EYS: variants seen among roughly 807,000 people sequenced by gnomAD.
The protein encoded by EYS is protein eyes shut homolog.
Under a neutral mutation model 282.1 loss-of-function variants are expected in EYS, and 250 were observed. That is an observed-to-expected ratio of 0.89 (90% CI 0.80 to 0.98). EYS has a LOEUF of 0.98. EYS is among the 50% of genes least tolerant of loss of function. The pLI is 0.00. For missense variants in EYS, 4,016 were observed against 3,709.0 expected (o/e 1.08, Z -2.15); for synonymous variants, 1,355 against 1,282.9 (o/e 1.06, Z -1.20).
intron 12 of EYS, among the ~76,000 whole-genome samples, chr6:65,088,818 G>T (rs956842179): frequency 1.2e-4 from 18 of 152,120 alleles, no homozygotes; most frequent in Non-Finnish European, 2.1e-4. Flanking sequence ...GGTTTCATGG[G>T]CCAGGCCCAG....
intron 28 of EYS, chr6:64,400,230 T>C (rs1378257217): frequency 1.3e-5 from 2 of 152,040 alleles, no homozygotes; most frequent in Non-Finnish European, 2.9e-5. Flanking sequence ...ATCTATATAA[T>C]AGTTGTGCAG....
chr6:63,891,349 C>G (rs544688163), intron 35 of EYS, among the ~76,000 whole-genome samples: 2 of 152,252 alleles, frequency 1.3e-5, no homozygotes, highest in South Asian at 4.2e-4. Flanking sequence ...AAAATACTAG[C>G]AAACTAAATC....
At chr6:65,642,637 T>C (rs1435407076) in intron 1 of EYS, among the ~76,000 whole-genome samples, 1 of 152,184 alleles carries the variant, frequency 6.6e-6, no homozygotes, top group Non-Finnish European at 1.5e-5. Flanking sequence ...ATTTTTTAAC[T>C]ATAGATAGGT....
chr6:64,371,464 G>A (rs1772369825), intron 29 of EYS, among the ~76,000 whole-genome samples: 1 of 152,064 alleles, frequency 6.6e-6, no homozygotes, highest in African/African-American at 2.4e-5. Flanking sequence ...TGTGGCATGT[G>A]TGGATCAGAA....
intron 26 of EYS, among the ~76,000 whole-genome samples, chr6:64,501,072 ATCTTAAAT>A (rs1562028154): frequency 7.0e-6 from 1 of 142,254 alleles, no homozygotes; most frequent in Non-Finnish European, 1.5e-5. Context: ...CCTCTTCCCC[ATCTTAAAT>A]TCTAGGGTTT....
At chr6:64,992,856 A>G (rs1771113804) in intron 14 of EYS, among the ~76,000 whole-genome samples, 1 of 151,998 alleles carries the variant, frequency 6.6e-6, no homozygotes, top group Non-Finnish European at 1.5e-5. Context: ...GGGAGTTTGT[A>G]TTCCTGGAGA....
Position 63,726,512 on chromosome 6 carries a change from A to T in EYS, c.8233+7T>A. 1.3e-6 allele frequency: 2 copies of T among 1,547,746 alleles called. No homozygotes were observed. Among genetic ancestry groups the T allele is most frequent in the Non-Finnish European group, 8.7e-7 (1 of 1,145,196 alleles). On this transcript the variant is annotated splice_region_variant and intron_variant, in intron 42 of 42. Transcript: ENST00000503581. Reference sequence around the variant, plus strand: ...CATTCTGCAAACAAACAGCCTGCCAATCTTACCTGATTGGGCTTTTAAGTG... The same window carrying T: ...CATTCTGCAAACAAACAGCCTGCCATTCTTACCTGATTGGGCTTTTAAGTG...
chr6:63,923,053 T>C (rs535748060), intron 35 of EYS, among the ~76,000 whole-genome samples: 1 of 152,320 alleles, frequency 6.6e-6, no homozygotes, highest in Admixed American at 6.5e-5. Flanking sequence ...AATGTGTACA[T>C]CAATGCATTG....
intron 19 of EYS, among the ~76,000 whole-genome samples, chr6:64,856,174 A>C (rs1018646706): frequency 1.3e-5 from 2 of 152,184 alleles, no homozygotes; most frequent in Non-Finnish European, 2.9e-5. Context: ...AGAGCTCCAT[A>C]AGAAAGTGCC....
rs543309284 is a variant in EYS, at chr6:64,610,703, A to G, written c.3684+6715T>C. Among the ~76,000 whole-genome samples, 8 of 152,300 alleles carry G rather than the reference A, an allele frequency of 5.3e-5. No individual in the cohort carries two copies. The East Asian group carries it at 1.5e-3, about 29-fold the overall frequency. ...ACAGGCATGAGCCACTGCAACAAGC[A>G]AGTTGTAAGACATTTAGATTGTACA... On this transcript the variant is annotated intron_variant, in intron 24 of 42. Coordinates refer to ENST00000503581, the MANE Select transcript of EYS (RefSeq NM_001142800.2).
intron 5 of EYS, among the ~76,000 whole-genome samples, chr6:65,485,156 T>A (rs1040328587): frequency 4.6e-5 from 7 of 152,184 alleles, no homozygotes; most frequent in Non-Finnish European, 1.0e-4. Flanking sequence ...CAATGATGAA[T>A]ATGTAGTTGC....
At chr6:65,334,231 C>T (rs1329904237) in intron 11 of EYS, among the ~76,000 whole-genome samples, 1 of 151,492 alleles carries the variant, frequency 6.6e-6, no homozygotes, top group Admixed American at 6.6e-5. Context: ...TTCTTTTATA[C>T]TAAGTAAATC....
At chr6:65,593,890 CTT>C (rs1474344328) in intron 2 of EYS, among the ~76,000 whole-genome samples, 1 of 151,732 alleles carries the variant, frequency 6.6e-6, no homozygotes, top group Non-Finnish European at 1.5e-5. Flanking sequence ...TTCCAAAAAA[CTT>C]TTCCAATACT....
In EYS at chr6:64,590,534, G is replaced by A. The variant is rs566440637; in HGVS notation, c.5333C>T (p.Thr1778Ile). 3.2e-6 allele frequency: 5 copies of A among 1,551,388 alleles called. No individual in the cohort carries two copies. The highest frequency in any genetic ancestry group is 2.4e-5 in the East Asian group (1 of 40,904). Residue 1778 changes from threonine to isoleucine, a missense_variant, in exon 26 of 43, where the codon ACA becomes ATA. By Grantham distance (89) the Thr-to-Ile change is moderately conservative. Coordinates refer to ENST00000503581, the MANE Select transcript of EYS (RefSeq NM_001142800.2). ...TTCTGAAAAATCAGGCACTGAGCCT[G>A]TCAATGGTGGCAGATTATTTTTGAA... ...NDFKNNLPPL[T>I]GSVPDFSEVT...
At chr6:65,008,415 T>A (rs548272693) in intron 13 of EYS, among the ~76,000 whole-genome samples, 17 of 152,108 alleles carry the variant, frequency 1.1e-4, no homozygotes, top group Admixed American at 2.6e-4. Flanking sequence ...CAACCTTGGT[T>A]TTTTATAAAA....
intron 37 of EYS, chr6:63,798,067 T>C (rs868806838): frequency 1.8e-4 from 28 of 152,202 alleles, no homozygotes; most frequent in African/African-American, 6.5e-4. Flanking sequence ...TGAAACCACA[T>C]GGGCTTACTG....
intron 31 of EYS, among the ~76,000 whole-genome samples, chr6:64,098,234 G>A (rs774703210): frequency 4.6e-5 from 7 of 152,078 alleles, no homozygotes; most frequent in Non-Finnish European, 5.9e-5. Flanking sequence ...AGTATATTTT[G>A]TACTATAAAA....
chr6:63,891,291 C>A (rs555667427), intron 35 of EYS, among the ~76,000 whole-genome samples: 1 of 152,084 alleles, frequency 6.6e-6, no homozygotes, highest in Non-Finnish European at 1.5e-5. Context: ...AAAAAAAGAT[C>A]ATTTCAGGCC....
At chr6:65,006,503 C>CAAAAAAAAAAAAAA (rs59057058) in intron 13 of EYS, among the ~76,000 whole-genome samples, 1 of 83,300 alleles carries the variant, frequency 1.2e-5, no homozygotes. Flanking sequence ...TATTCTAAGT[C>CAAAAAAAAAAAAAA]AAAAAAAAAA....
Sources: allele counts gnomAD v4.1 joint callset (sites outside exome capture counted in the v4.1 genomes callset), GRCh38; gene constraint gnomAD v4.1.1; transcripts MANE v1.5; gene names NCBI Gene and HGNC (gene_info 2026-07-23, HGNC 2026-07-21).